The following WDR49 variants were observed in gnomAD, a reference collection of about 807,000 sequenced individuals.
The protein encoded by WDR49 is cilia- and flagella-associated protein 337.
Under a neutral mutation model 119.5 loss-of-function variants are expected in WDR49, and 107 were observed. The ratio of observed to expected loss-of-function variants is 0.90; its 90% CI spans 0.77 to 1.05. The LOEUF is 1.05. Ranked by LOEUF, WDR49 falls within the 50% of genes least tolerant of loss-of-function variation. The pLI, the probability that WDR49 is intolerant of heterozygous loss-of-function variation, is 0.00. For synonymous variants in WDR49, 425 were observed against 418.8 expected, an observed-to-expected ratio of 1.01 and a Z score of -0.18; for missense variants, 1,240 against 1,220.5, an observed-to-expected ratio of 1.02 and a Z score of -0.24.
chr3:167,582,453 C>T (rs1297840046), intron 7 of WDR49, among the ~76,000 whole-genome samples: 1 of 152,092 alleles, frequency 6.6e-6, no homozygotes, highest in Non-Finnish European at 1.5e-5. Context: ...ATCTTCTCTT[C>T]TGCCGTTTAT....
chr3:167,620,696 T>A, intron 4 of WDR49, 93 bp from the exon 5 acceptor site: 1 of 1,187,684 alleles, frequency 8.4e-7, no homozygotes, highest in African/African-American at 1.6e-5. Context: ...GAATAGCTAT[T>A]AACTTAATAA....
intron 18 of WDR49, among the ~76,000 whole-genome samples, chr3:167,498,563 G>T (rs934827661): frequency 3.9e-5 from 6 of 152,130 alleles, no homozygotes; most frequent in Admixed American, 3.9e-4. Flanking sequence ...TCTGTGCTCT[G>T]GGGGAGGTGA....
intron 11 of WDR49, 107 bp downstream of exon 11, chr3:167,536,763 A>C: frequency 3.9e-6 from 2 of 516,258 alleles, no homozygotes; most frequent in Non-Finnish European, 2.7e-6. Flanking sequence ...ATACATATAT[A>C]TATATATAAA....
chr3:167,506,761 C>T (rs143741523), intron 16 of WDR49, among the ~76,000 whole-genome samples: 9 of 152,230 alleles, frequency 5.9e-5, no homozygotes, highest in East Asian at 1.9e-4. Flanking sequence ...TTTTCTGTAA[C>T]GTCAACATTA....
chr3:167,589,657 G>C (rs909785742), intron 7 of WDR49, among the ~76,000 whole-genome samples: 15 of 151,600 alleles, frequency 9.9e-5, no homozygotes, highest in African/African-American at 3.6e-4. Context: ...TCACTCTTTT[G>C]GTTAAGTTTA....
chr3:167,505,223 C>G (rs1362347926), intron 17 of WDR49, 84 bp downstream of exon 17: 73 of 1,283,042 alleles, frequency 5.7e-5, no homozygotes, highest in Non-Finnish European at 7.0e-5. Flanking sequence ...TAGGAACATT[C>G]CTGACACACA....
At chr3:167,626,599 T>C (rs1002584970) in intron 3 of WDR49, among the ~76,000 whole-genome samples, 3 of 152,056 alleles carry the variant, frequency 2.0e-5, no homozygotes, top group Non-Finnish European at 4.4e-5. Context: ...TGCTGTAAAC[T>C]ATACAGGAGT....
rs150838139 is a variant in WDR49 at position 167,624,083 on chromosome 3, A to G, written c.607-2440T>C. 2.1e-3 allele frequency among the ~76,000 whole-genome samples: 312 copies of G among 152,086 alleles called. 1 individual carries two copies. The highest frequency in any genetic ancestry group is 3.4e-3 in the Middle Eastern group (1 of 294). On this transcript the variant is annotated intron_variant, in intron 3 of 18. Coordinates refer to ENST00000682715, the MANE Select transcript of WDR49 (RefSeq NM_001366157.1). The stretch of plus-strand genomic sequence containing the variant: ...AAAATGGGAAAAGATTTGGATAGAC[A>G]TTTTACAAAAGAAGATGTACAGGTA...
intron 7 of WDR49, among the ~76,000 whole-genome samples, chr3:167,585,387 G>T (rs1042787384): frequency 6.0e-5 from 8 of 132,512 alleles, no homozygotes; most frequent in Non-Finnish European, 1.1e-4. Context: ...GTCTTAAAAG[G>T]GTGCGTGTGT....
chr3:167,602,063 G>C (rs1415271376), intron 7 of WDR49, 64 bp downstream of exon 7: 25 of 1,499,266 alleles, frequency 1.7e-5, no homozygotes, highest in Non-Finnish European at 2.2e-5. Context: ...TCAGATCCCA[G>C]AGTTGATTTG....
At chr3:167,569,890 C>G (rs4552347) in intron 8 of WDR49, among the ~76,000 whole-genome samples, 1 of 151,830 alleles carries the variant, frequency 6.6e-6, no homozygotes, top group South Asian at 2.1e-4. Flanking sequence ...TATATGCCAC[C>G]TATCTTTTTG....
intron 17 of WDR49, 25 bp downstream of exon 17, chr3:167,505,282 T>C (rs1751721213): frequency 6.9e-7 from 1 of 1,451,096 alleles, no homozygotes; most frequent in Non-Finnish European, 9.1e-7. Context: ...ATTATAAAAA[T>C]ACATTAACAA....
intron 18 of WDR49, among the ~76,000 whole-genome samples, chr3:167,490,569 T>C (rs1171937000): frequency 6.6e-6 from 1 of 152,140 alleles, no homozygotes; most frequent in Non-Finnish European, 1.5e-5. Flanking sequence ...TTATTTTTCT[T>C]TACCGGTGCT....
In WDR49 at chr3:167,478,719, A is replaced by C; in HGVS notation, c.*159T>G. ...TATTTATTTTATTAAGAATACAGAG[A>C]AATTGACAGATGATAGATAAAAGCA... On this transcript the variant is annotated 3_prime_UTR_variant, in exon 19 of 19. Transcript: ENST00000682715. 2.2e-6 allele frequency: 1 copy of C among 448,660 alleles called. No individual in the cohort carries two copies. Among genetic ancestry groups the C allele is most frequent in the Non-Finnish European group, 3.9e-6 (1 of 258,394 alleles). 27.8% of individuals were successfully genotyped at this position (448,660 alleles called of 1,614,324 possible). A position where few individuals can be genotyped will look rare whatever the true frequency, so the allele number is the denominator to read the frequency against.
At chr3:167,612,211 A>G (rs1428937330) in intron 5 of WDR49, among the ~76,000 whole-genome samples, 2 of 152,194 alleles carry the variant, frequency 1.3e-5, no homozygotes, top group Non-Finnish European at 2.9e-5. Flanking sequence ...CATAGAAATT[A>G]AACAATAGTC....
intron 2 of WDR49, among the ~76,000 whole-genome samples, chr3:167,643,369 C>T (rs1183260659): frequency 2.6e-5 from 4 of 151,946 alleles, no homozygotes; most frequent in African/African-American, 9.7e-5. Flanking sequence ...TCAGAAAATC[C>T]AGATAATGGG....
chr3:167,557,582 CCCCTACTAAAAATACAAAA>C (rs1560284635), intron 9 of WDR49, among the ~76,000 whole-genome samples: 2 of 151,828 alleles, frequency 1.3e-5, no homozygotes, highest in African/African-American at 4.8e-5. Context: ...GCTTCAGTTT[CCCCTACTAAAAATACAAAA>C]AATTAGCCGG....
At chr3:167,593,138 A>G (rs867897978) in intron 7 of WDR49, among the ~76,000 whole-genome samples, 5 of 152,050 alleles carry the variant, frequency 3.3e-5, no homozygotes, top group South Asian at 2.1e-4. Context: ...GGACATTGAT[A>G]TGTTTCGCTA....
intron 11 of WDR49, among the ~76,000 whole-genome samples, chr3:167,535,245 G>A (rs1338295115): frequency 1.3e-5 from 2 of 152,072 alleles, no homozygotes; most frequent in African/African-American, 4.8e-5. Context: ...AAGAGCAAGT[G>A]CTGCTTCTTC....
Sources: allele counts gnomAD v4.1 joint callset (sites outside exome capture counted in the v4.1 genomes callset), GRCh38; gene constraint gnomAD v4.1.1; transcripts MANE v1.5; gene names NCBI Gene and HGNC (gene_info 2026-07-23, HGNC 2026-07-21).